PDCD11: variants seen among roughly 807,000 people sequenced by gnomAD.
The protein encoded by PDCD11 is programmed cell death 11, also known as protein RRP5 homolog.
In PDCD11, 97 loss-of-function variants were observed where a neutral mutation model predicts 198.9. The observed-to-expected ratio is 0.49, with a 90% CI of 0.41 to 0.58. The LOEUF is 0.58. Ranked by LOEUF, PDCD11 falls within the 20% of genes least tolerant of loss-of-function variation. The pLI, the probability that PDCD11 is intolerant of heterozygous loss-of-function variation, is 0.00. For synonymous variants in PDCD11, 893 were observed against 918.0 expected (o/e 0.97, Z 0.49); for missense variants, 2,102 against 2,312.7 (o/e 0.91, Z 1.87).
chr10:103,441,776 G>T, intron 30 of PDCD11, 50 bp from the exon 31 acceptor site: 2 of 1,576,480 alleles, frequency 1.3e-6, no homozygotes, highest in South Asian at 2.3e-5. Context: ...CGGGGGAACA[G>T]GGAGCAGCCT....
chr10:103,417,854 G>A lies in PDCD11; in HGVS notation c.1833G>A (p.Lys611=), dbSNP rs530780692. Residue 611 remains lysine (K), a synonymous_variant, in exon 14 of 36, where the codon AAG becomes AAA. Coordinates refer to ENST00000369797, the MANE Select transcript of PDCD11 (RefSeq NM_014976.2). ...AAGAGAGGATGCTCTTATCCTTCAA[G>A]CTGTCGAGTGATCCAGAGCCAAAGA... is the stretch of plus-strand genomic sequence containing the variant. ...PSKERMLLSF[K]LSSDPEPKKE... 5.4e-5 allele frequency: 87 copies of A among 1,614,210 alleles called. No homozygotes were observed. The South Asian group carries it at 8.9e-4, about 16-fold the overall frequency.
rs2032090559 is a variant in PDCD11, at chr10:103,434,962, C to T, written c.3832C>T (p.Gln1278Ter). The T allele has an allele frequency of 1.9e-6, 3 of 1,565,640 alleles. No homozygotes were observed. The highest frequency in any genetic ancestry group is 2.6e-6 in the Non-Finnish European group (3 of 1,154,240). The change falls in exon 25 of 36, where the codon CAG (glutamine) becomes TAG (stop). Residue 1278 changes from glutamine to a stop codon, truncating the protein, a stop_gained. Transcript: ENST00000369797. LOFTEE classifies it high-confidence loss of function. ...SETPLEDFVP[Q>*]KVVRCYILST... Reference sequence around the variant, plus strand: ...GACGCCCCTGGAAGACTTCGTCCCCCAGAAGGTTGTCAGGTAAGCGAAGTG... The same window carrying T: ...GACGCCCCTGGAAGACTTCGTCCCCTAGAAGGTTGTCAGGTAAGCGAAGTG...
intron 21 of PDCD11, among the ~76,000 whole-genome samples, chr10:103,428,626 A>G (rs1362062181): frequency 6.6e-6 from 1 of 152,224 alleles, no homozygotes; most frequent in Middle Eastern, 3.2e-3. Flanking sequence ...GTTTATTCAA[A>G]CTAAGGGTAG....
At chr10:103,405,784 C>T (rs1240651480) in intron 5 of PDCD11, among the ~76,000 whole-genome samples, 2 of 152,192 alleles carry the variant, frequency 1.3e-5, no homozygotes, top group East Asian at 3.8e-4. Flanking sequence ...TCCTCATTGC[C>T]TGGCAACCAT....
chr10:103,444,169 A>G (rs575040471), intron 34 of PDCD11, 101 bp downstream of exon 34: 1 of 993,314 alleles, frequency 1.0e-6, no homozygotes, highest in South Asian at 1.6e-5. Context: ...GAGCCTTGTG[A>G]GGGCTTTCCT....
At chr10:103,440,678 T>C (rs964271033) in intron 29 of PDCD11, 56 bp from the exon 30 acceptor site, 39 of 1,612,918 alleles carry the variant, frequency 2.4e-5, no homozygotes, top group Non-Finnish European at 3.3e-5. Flanking sequence ...CGAGGGAGGG[T>C]GTCGCCTGGG....
chr10:103,418,005 T>C (rs2031207587), intron 14 of PDCD11, 73 bp downstream of exon 14: 4 of 1,529,220 alleles, frequency 2.6e-6, no homozygotes, highest in Non-Finnish European at 3.6e-6. Flanking sequence ...ACACATGGCA[T>C]ATTGGAACCC....
Position 103,442,353 on chromosome 10 carries a change from C to A in PDCD11, c.4848C>A (p.Pro1616=). ...DDFDRLVLSS[P]NSSILWLQYM... ...TTGACCGACTGGTGCTGAGCTCCCC[C>A]AACAGCTCCATTCTGTGGCTGCAGT... Residue 1616 remains proline, a synonymous_variant, in exon 32 of 36, where the codon CCC becomes CCA. Transcript: ENST00000369797. 1 of 1,614,234 alleles carries A rather than the reference C, an allele frequency of 6.2e-7. No individual in the cohort carries two copies.
intron 7 of PDCD11, among the ~76,000 whole-genome samples, chr10:103,409,406 A>G (rs2030658612): frequency 1.3e-5 from 2 of 151,916 alleles, no homozygotes; most frequent in Admixed American, 1.3e-4. Context: ...GCAGTTCCCC[A>G]AGGATACATA....
intron 21 of PDCD11, among the ~76,000 whole-genome samples, chr10:103,431,326 G>T (rs1321664072): frequency 6.6e-6 from 1 of 152,028 alleles, no homozygotes; most frequent in Admixed American, 6.6e-5. Context: ...TGCCGTGGCT[G>T]ACATCCATAA....
At position 103,440,421 on chromosome 10, in the gene PDCD11, G is replaced by C; in HGVS notation, c.4280G>C (p.Arg1427Thr). The part of the protein sequence containing the change: ...QEERKTEAEE[R>T]DQKGEKKNQK... ...GAGAGGAAAACAGAGGCTGAGGAGAGAGACCAAAAAGGGGAAAAGAAAAAT... is the reference window on the plus strand; with the variant it reads ...GAGAGGAAAACAGAGGCTGAGGAGACAGACCAAAAAGGGGAAAAGAAAAAT... The change falls in exon 29 of 36, where the codon AGA (arginine) becomes ACA (threonine). Residue 1427 changes from arginine to threonine, a missense_variant. Transcript: ENST00000369797. 6.2e-7 allele frequency: 1 copy of C among 1,614,216 alleles called. No homozygotes were observed. The highest frequency in any genetic ancestry group is 2.2e-5 in the East Asian group (1 of 44,890).
intron 16 of PDCD11, among the ~76,000 whole-genome samples, chr10:103,420,142 A>C (rs1254239297): frequency 6.6e-6 from 1 of 151,926 alleles, no homozygotes; most frequent in East Asian, 1.9e-4. Flanking sequence ...GTACCTCTTA[A>C]GGTGTGTGTG....
intron 26 of PDCD11, 78 bp from the exon 27 acceptor site, chr10:103,438,608 T>A: frequency 6.4e-7 from 1 of 1,566,366 alleles, no homozygotes; most frequent in South Asian, 1.1e-5. Context: ...TTACTAAGTA[T>A]GATGGTTGCA....
intron 13 of PDCD11, among the ~76,000 whole-genome samples, chr10:103,417,029 A>T (rs2031150680): frequency 6.6e-6 from 1 of 152,212 alleles, no homozygotes; most frequent in Admixed American, 6.5e-5. Context: ...TTTTGAGGTC[A>T]CTGTCACCAC....
At chr10:103,420,779 A>G (rs1032221779) in intron 16 of PDCD11, among the ~76,000 whole-genome samples, 1 of 152,176 alleles carries the variant, frequency 6.6e-6, no homozygotes, top group African/African-American at 2.4e-5. Flanking sequence ...GGGTGAGGAC[A>G]GCCCTGGTGT....
At position 103,413,292 on chromosome 10, in the gene PDCD11, G is replaced by A. The variant is rs369314170; in HGVS notation, c.1155G>A (p.Arg385=). The A allele has an allele frequency of 9.3e-6, 15 of 1,614,200 alleles. No homozygotes were observed. The African/African-American group carries it at 1.9e-4, about 20-fold the overall frequency. ...GFFKKAGATF[R]LKDGVLAYAR... is the part of the protein sequence containing the mutation. ...TCAAAAAGGCTGGGGCCACCTTTAGGCTGAAGGATGGGGTTCTGGCCTATG... is the reference window on the plus strand; with the variant it reads ...TCAAAAAGGCTGGGGCCACCTTTAGACTGAAGGATGGGGTTCTGGCCTATG... The change falls in exon 9 of 36, where the codon AGG becomes AGA. Residue 385 remains arginine (R), a synonymous_variant. Transcript: ENST00000369797.
rs1385717087 is a variant in PDCD11, at chr10:103,413,944, T to C, written c.1186-22T>C. The C allele has an allele frequency of 3.1e-6, 5 of 1,594,572 alleles. No homozygotes were observed. The Admixed American group carries it at 8.7e-5, about 28-fold the overall frequency. On this transcript the variant is annotated intron_variant, in intron 9 of 35. Transcript: ENST00000369797. ...CAGACCTGTTGTCCCTGGCTTATCC[T>C]CAATCACTTGGTACTTTGCAGCTCA...
chr10:103,443,155 C>G lies in PDCD11; in HGVS notation c.4956-10C>G, dbSNP rs755235381. 1.3e-6 allele frequency: 2 copies of G among 1,566,734 alleles called. No individual in the cohort carries two copies. Among genetic ancestry groups the G allele is most frequent in the South Asian group, 2.3e-5 (2 of 85,604 alleles). Reference sequence around the variant, plus strand: ...ATGTGGCGCTCATGTGCTGACTGCTCTCCCTCCAGAGAGGAGCAGGAGAAG... The same window carrying G: ...ATGTGGCGCTCATGTGCTGACTGCTGTCCCTCCAGAGAGGAGCAGGAGAAG... On this transcript the variant is annotated splice_polypyrimidine_tract_variant and intron_variant, in intron 32 of 35. Coordinates refer to ENST00000369797, the MANE Select transcript of PDCD11 (RefSeq NM_014976.2).
chr10:103,437,396 G>A (rs1261574819), intron 25 of PDCD11, among the ~76,000 whole-genome samples: 2 of 152,144 alleles, frequency 1.3e-5, no homozygotes, highest in Non-Finnish European at 2.9e-5. Flanking sequence ...CTCCTGCCTC[G>A]GCCTCCCAAA....
Sources: gnomAD v4.1 joint callset for allele counts (sites outside exome capture counted in the v4.1 genomes callset) on GRCh38, gnomAD v4.1.1 for gene constraint, MANE v1.5 for transcripts, NCBI Gene and HGNC (gene_info 2026-07-23, HGNC 2026-07-21) for gene names.